Variants in CIBAR1 observed in about 807,000 individuals in gnomAD.
CIBAR1 encodes the protein CBY1 interacting BAR domain containing 1, also known as CBY1-interacting BAR domain-containing protein 1.
Under a neutral mutation model 44.0 loss-of-function variants are expected in CIBAR1, and 25 were observed. The ratio of observed to expected loss-of-function variants is 0.57; its 90% CI spans 0.41 to 0.79. The LOEUF is 0.79. Among genes scored for constraint, CIBAR1 ranks in the 30% least tolerant of loss-of-function variants. The probability of loss-of-function intolerance (pLI) is 0.00; values close to 1 mark genes in which losing one functional copy is unlikely to be tolerated. For missense variants in CIBAR1, 278 were observed against 344.8 expected (o/e 0.81, Z 1.53); for synonymous variants, 115 against 119.0 (o/e 0.97, Z 0.22).
intron 6 of CIBAR1, among the ~76,000 whole-genome samples, chr8:93,711,391 T>G (rs1263263025): frequency 1.3e-5 from 2 of 152,250 alleles, no homozygotes; most frequent in African/African-American, 4.8e-5. Context: ...AGTATTCATT[T>G]ACATCTTTTA....
intron 6 of CIBAR1, among the ~76,000 whole-genome samples, chr8:93,716,822 A>C (rs1367146418): frequency 6.6e-6 from 1 of 152,210 alleles, no homozygotes; most frequent in Non-Finnish European, 1.5e-5. Flanking sequence ...GTGGTACGAC[A>C]TGGATATATA....
chr8:93,700,557 C>T lies in CIBAR1; in HGVS notation c.-91C>T, dbSNP rs997461791. The T allele has an allele frequency of 4.2e-5, 57 of 1,365,662 alleles. No individual in the cohort carries two copies. Among genetic ancestry groups the T allele is most frequent in the African/African-American group, 1.2e-4 (8 of 65,258 alleles). 84.6% of individuals were successfully genotyped at this position (1,365,662 alleles called of 1,614,324 possible). A position where few individuals can be genotyped will look rare whatever the true frequency, so the allele number is the denominator to read the frequency against. ...CGCGAGGGGCGGGCTTTCAGGCTCC[C>T]GGCGGCTGCTTGCGCCCCAGCGCGC... On this transcript the variant is annotated 5_prime_UTR_variant, in exon 1 of 9. Coordinates refer to ENST00000518322, the MANE Select transcript of CIBAR1 (RefSeq NM_145269.5).
chr8:93,723,901 T>G (rs1471506805), intron 7 of CIBAR1, among the ~76,000 whole-genome samples: 1 of 152,162 alleles, frequency 6.6e-6, no homozygotes, highest in Non-Finnish European at 1.5e-5. Flanking sequence ...ATAACTTAGG[T>G]TCTGCATTTA....
At chr8:93,705,052 T>C (rs1200868802) in intron 4 of CIBAR1, 42 bp downstream of exon 4, 5 of 1,338,616 alleles carry the variant, frequency 3.7e-6, no homozygotes, top group Non-Finnish European at 5.4e-6. Context: ...GTTTAAGGTA[T>C]GGAGTACAAA....
At chr8:93,725,845 G>A (rs2914958) in intron 7 of CIBAR1, 2 of 152,976 alleles carry the variant, frequency 1.3e-5, no homozygotes, top group African/African-American at 2.4e-5. Flanking sequence ...AAATGGTGGG[G>A]GTAGGGTAGA....
intron 6 of CIBAR1, among the ~76,000 whole-genome samples, chr8:93,714,703 C>G (rs996624871): frequency 6.6e-6 from 1 of 151,648 alleles, no homozygotes; most frequent in African/African-American, 2.4e-5. Context: ...AGGCTTGTCT[C>G]AAACTCCTGG....
At chr8:93,724,565 A>G in intron 7 of CIBAR1, 1 of 1,274,932 alleles carries the variant, frequency 7.8e-7, no homozygotes, top group South Asian at 1.3e-5. Flanking sequence ...GGCTCAAGCG[A>G]TCCGCCTGCG....
chr8:93,718,240 T>C (rs1239613344), intron 6 of CIBAR1, among the ~76,000 whole-genome samples: 2 of 152,230 alleles, frequency 1.3e-5, no homozygotes, highest in Non-Finnish European at 2.9e-5. Context: ...TAGCATACAG[T>C]GTGGAACATA....
chr8:93,713,881 T>C (rs1810930820), intron 6 of CIBAR1, among the ~76,000 whole-genome samples: 1 of 152,218 alleles, frequency 6.6e-6, no homozygotes, highest in Non-Finnish European at 1.5e-5. Context: ...CTTTATGGTA[T>C]GTTTTTAAAT....
intron 5 of CIBAR1, among the ~76,000 whole-genome samples, chr8:93,709,149 A>G (rs1436729053): frequency 6.6e-6 from 1 of 152,106 alleles, no homozygotes; most frequent in African/African-American, 2.4e-5. Context: ...GTGTGGTGGC[A>G]TGCACCTGTA....
rs1810752681 is a variant in CIBAR1, at chr8:93,709,883, A to G, written c.543+8A>G. ...AAAATGAAGGATATAAAGGTAATAA[A>G]GTAACTGTTAGGGTTCAAAACATGT... is the stretch of plus-strand genomic sequence containing the variant. On this transcript the variant is annotated splice_region_variant and intron_variant, in intron 6 of 8. Coordinates refer to ENST00000518322, the MANE Select transcript of CIBAR1 (RefSeq NM_145269.5). 6.4e-7 allele frequency: 1 copy of G among 1,574,034 alleles called. No homozygotes were observed. Among genetic ancestry groups the G allele is most frequent in the African/African-American group, 1.3e-5 (1 of 74,212 alleles).
At chr8:93,706,756 C>T (rs1350656092) in intron 4 of CIBAR1, among the ~76,000 whole-genome samples, 4 of 152,166 alleles carry the variant, frequency 2.6e-5, no homozygotes, top group Non-Finnish European at 4.4e-5. Flanking sequence ...TCAGTGTGCT[C>T]ACTGGGTAAG....
chr8:93,713,312 C>T (rs2130331161), intron 6 of CIBAR1, among the ~76,000 whole-genome samples: 1 of 152,206 alleles, frequency 6.6e-6, no homozygotes, highest in African/African-American at 2.4e-5. Flanking sequence ...GGATTACAGG[C>T]GTGAGCCACC....
intron 6 of CIBAR1, chr8:93,715,818 G>A (rs34038908): frequency 3.3e-5 from 5 of 152,114 alleles, no homozygotes; most frequent in African/African-American, 9.7e-5. Flanking sequence ...TGAATGTCTA[G>A]GTTATTTTTG....
At chr8:93,700,912 A>G in intron 1 of CIBAR1, 1 of 1,328,864 alleles carries the variant, frequency 7.5e-7, no homozygotes, top group Non-Finnish European at 9.6e-7. Context: ...GGGTCCCCAC[A>G]CTGCCGCGGG....
chr8:93,718,428 C>T (rs1811114335), intron 6 of CIBAR1, among the ~76,000 whole-genome samples: 1 of 151,996 alleles, frequency 6.6e-6, no homozygotes, highest in African/African-American at 2.4e-5. Context: ...ATAAAGAGAA[C>T]TAACTAAAAT....
intron 6 of CIBAR1, 86 bp downstream of exon 6, chr8:93,709,961 T>C: frequency 1.0e-6 from 1 of 956,020 alleles, no homozygotes; most frequent in Non-Finnish European, 1.6e-6. Context: ...CTAAATTTTT[T>C]AGCCCATAAT....
chr8:93,703,321 A>G (rs1810441796), intron 2 of CIBAR1, among the ~76,000 whole-genome samples: 1 of 152,226 alleles, frequency 6.6e-6, no homozygotes, highest in African/African-American at 2.4e-5. Flanking sequence ...GAACACACTG[A>G]AAATGTTAGC....
At chr8:93,720,944 C>G (rs1265127726) in intron 7 of CIBAR1, 1 of 152,056 alleles carries the variant, frequency 6.6e-6, no homozygotes, top group African/African-American at 2.4e-5. Context: ...TATATAATTA[C>G]TTTGAGTCAG....
Sources: gnomAD v4.1 joint callset for allele counts (sites outside exome capture counted in the v4.1 genomes callset) on GRCh38, gnomAD v4.1.1 for gene constraint, MANE v1.5 for transcripts, NCBI Gene and HGNC (gene_info 2026-07-23, HGNC 2026-07-21) for gene names.